The following ALG1 variants were observed in gnomAD, a reference collection of about 807,000 sequenced individuals.
ALG1 encodes the protein ALG1 chitobiosyldiphosphodolichol beta-mannosyltransferase.
In ALG1, 58 loss-of-function variants were observed where a neutral mutation model predicts 55.1. The observed-to-expected ratio is 1.05, with a 90% CI of 0.85 to 1.31. The LOEUF is 1.31. Among genes scored for constraint, ALG1 ranks in the 50% most tolerant of loss-of-function variants. ALG1 has a pLI of 0.00. For missense variants in ALG1, 761 were observed against 598.6 expected (o/e 1.27, Z -2.83); for synonymous variants, 309 against 247.0 (o/e 1.25, Z -2.35).
chr16:5,080,689 A>G (rs879151211), intron 9 of ALG1, among the ~76,000 whole-genome samples: 1 of 151,650 alleles, frequency 6.6e-6, no homozygotes, highest in South Asian at 2.1e-4. Context: ...GCCAGTGCTT[A>G]CCCCGCCATG....
intron 1 of ALG1, chr16:5,072,303 A>T: frequency 7.1e-7 from 1 of 1,417,660 alleles, no homozygotes; most frequent in Non-Finnish European, 9.2e-7. Flanking sequence ...TAATTCTCCT[A>T]GTAAGTGGAA....
chr16:5,078,424 G>A (rs1488698290), intron 6 of ALG1: 2 of 599,114 alleles, frequency 3.3e-6, no homozygotes, highest in Non-Finnish European at 6.2e-6. Flanking sequence ...CTTTGTGCAG[G>A]TCTACGCACC....
intron 3 of ALG1, among the ~76,000 whole-genome samples, chr16:5,073,615 A>G (rs145677173): frequency 1.3e-3 from 203 of 152,378 alleles, no homozygotes; most frequent in African/African-American, 4.8e-3. Flanking sequence ...TAAGTAGCCC[A>G]TCGCCATACA....
At chr16:5,072,184 G>C in intron 1 of ALG1, 127 bp downstream of exon 1, 2 of 1,403,024 alleles carry the variant, frequency 1.4e-6, no homozygotes, top group Non-Finnish European at 1.9e-6. Flanking sequence ...TCCGAGATTA[G>C]ACGAGCGGTT....
rs752922461 is a variant in ALG1, at chr16:5,071,864, C to G, written c.15C>G (p.Cys5Trp). 3 of 1,604,698 alleles carry G rather than the reference C, an allele frequency of 1.9e-6. No individual in the cohort carries two copies. The highest frequency in any genetic ancestry group is 1.7e-5 in the Admixed American group (1 of 59,614). ...GGCCAGCCAAGATGGCGGCCTCATG[C>G]TTGGTCCTGCTGGCGCTGTGTCTGC... Reference protein sequence around the residue: MAASCLVLLALCLLL... With the variant: MAASWLVLLALCLLL... Residue 5 changes from cysteine to tryptophan, a missense_variant, in exon 1 of 13, where the codon TGC (cysteine) becomes TGG (tryptophan). Coordinates refer to ENST00000262374, the MANE Select transcript of ALG1 (RefSeq NM_019109.5).
At chr16:5,078,072 T>A in intron 6 of ALG1, 55 bp downstream of exon 6, 1 of 1,576,964 alleles carries the variant, frequency 6.3e-7, no homozygotes, top group Non-Finnish European at 8.6e-7. Context: ...CCCTGGCCTC[T>A]CCCCTTCTCA....
Position 5,072,019 on chromosome 16 carries a change from C to T in ALG1, c.170C>T (p.Ala57Val). ...ATGCAGTACCACGCGCTGTCGTTGG[C>T]CATGCACGGCTTCTCGGTGACCCTC... ...PRMQYHALSL[A>V]MHGFSVTLLG... The change falls in exon 1 of 13, where the codon GCC becomes GTC. Residue 57 changes from alanine to valine, a missense_variant. Physicochemically the swap from Ala to Val is moderately conservative, Grantham distance 64. Coordinates refer to ENST00000262374, the MANE Select transcript of ALG1 (RefSeq NM_019109.5). 6.3e-7 allele frequency: 1 copy of T among 1,596,590 alleles called. No individual in the cohort carries two copies. Among genetic ancestry groups the T allele is most frequent in the East Asian group, 2.3e-5 (1 of 44,036 alleles).
rs1198017441 is a variant in ALG1, at chr16:5,086,411, C to T, written c.*1530C>T. The T allele has an allele frequency of 6.6e-6, 1 of 151,092 alleles. No homozygotes were observed. The highest frequency in any genetic ancestry group is 1.5e-5 in the Non-Finnish European group (1 of 68,068). The allele number at this position is 151,092 out of a possible 1,614,324, so 9.4% of individuals were successfully genotyped here. A position where few individuals can be genotyped will look rare whatever the true frequency, so the allele number is the denominator to read the frequency against. On this transcript the variant is annotated 3_prime_UTR_variant, in exon 13 of 13. Transcript: ENST00000262374. Reference sequence around the variant, plus strand: ...ACAGCTTAGAAGGGGCTGCTGTTCTCATAAGCACAGATGTCTGAAGAGCCG... The same window carrying T: ...ACAGCTTAGAAGGGGCTGCTGTTCTTATAAGCACAGATGTCTGAAGAGCCG...
At position 5,078,790 on chromosome 16, in the gene ALG1, G is replaced by A. The variant is rs757068692; in HGVS notation, c.774G>A (p.Ser258=). 12 of 1,612,844 alleles carry A rather than the reference G, an allele frequency of 7.4e-6. No homozygotes were observed. The highest frequency in any genetic ancestry group is 3.8e-4 in the Middle Eastern group (2 of 5,236). The stretch of plus-strand genomic sequence containing the variant: ...CTGAGGACCCAGTCACGGAGCGGTC[G>A]GCCTTCACGGAGCGGGATGCTGGGA... ...SEPEDPVTER[S]AFTERDAGSG... Residue 258 remains serine, a synonymous_variant, in exon 7 of 13, where the codon TCG becomes TCA. Coordinates refer to ENST00000262374, the MANE Select transcript of ALG1 (RefSeq NM_019109.5).
chr16:5,083,371 T>A (rs1369857100), intron 11 of ALG1, among the ~76,000 whole-genome samples: 1 of 152,196 alleles, frequency 6.6e-6, no homozygotes, highest in African/African-American at 2.4e-5. Context: ...CCTTTACTTG[T>A]TCCATGGCCA....
chr16:5,077,945 A>G lies in ALG1; in HGVS notation c.668A>G (p.Lys223Arg), dbSNP rs777923300. 1.2e-6 allele frequency: 2 copies of G among 1,606,932 alleles called. No homozygotes were observed. Among genetic ancestry groups the G allele is most frequent in the Non-Finnish European group, 1.7e-6 (2 of 1,179,802 alleles). The change falls in exon 6 of 13, where the codon AAA becomes AGA. Residue 223 changes from lysine (K) to arginine (R), a missense_variant. Physicochemically the swap from Lys to Arg is conservative, Grantham distance 26. Transcript: ENST00000262374. ...TVYDKPASFF[K>R]ETPLDLQHRL... ...TACGACAAGCCCGCATCTTTCTTTA[A>G]AGAGACACCTCTGGACCTGCAGCAC...
At chr16:5,078,344 TC>T (rs1340826242) in intron 6 of ALG1, 4 of 599,520 alleles carry the variant, frequency 6.7e-6, no homozygotes, top group Non-Finnish European at 1.2e-5. Context: ...GCCAGTGGCT[TC>T]CCAGGCCTGT....
chr16:5,075,587 T>C, intron 4 of ALG1, 51 bp downstream of exon 4: 2 of 1,609,342 alleles, frequency 1.2e-6, no homozygotes, highest in Non-Finnish European at 1.7e-6. Flanking sequence ...CACTCAAGGA[T>C]GAGTGAGAAG....
chr16:5,078,046 C>T (rs553099825), intron 6 of ALG1, 29 bp downstream of exon 6: 4 of 1,594,782 alleles, frequency 2.5e-6, no homozygotes, highest in Admixed American at 3.3e-5. Context: ...GCTGCCTTCT[C>T]TCCTGCTCGC....
At chr16:5,082,255 G>A (rs1478745073) in intron 10 of ALG1, among the ~76,000 whole-genome samples, 1 of 152,220 alleles carries the variant, frequency 6.6e-6, no homozygotes, top group Non-Finnish European at 1.5e-5. Flanking sequence ...GGAGGTTGCA[G>A]TGAGCTGAGA....
Position 5,085,559 on chromosome 16 carries a change from G to A in ALG1, c.*678G>A, listed in dbSNP as rs1485463643. 18 of 1,126,262 alleles carry A rather than the reference G, an allele frequency of 1.6e-5. No homozygotes were observed. The East Asian group carries it at 2.1e-4, about 13-fold the overall frequency. 69.8% of individuals were successfully genotyped at this position (1,126,262 alleles called of 1,614,324 possible). ...TTCCAGTCCAATGAAAGTTTTATCCGCTTTCCCATATAAAAATTCTTCCCA... is the reference window on the plus strand; with the variant it reads ...TTCCAGTCCAATGAAAGTTTTATCCACTTTCCCATATAAAAATTCTTCCCA... On this transcript the variant is annotated 3_prime_UTR_variant, in exon 13 of 13. Transcript: ENST00000262374.
rs1353988508 is a variant in ALG1 at position 5,071,932 on chromosome 16, G to T, written c.83G>T (p.Arg28Leu). 6 of 1,589,068 alleles carry T rather than the reference G, an allele frequency of 3.8e-6. No individual in the cohort carries two copies. Among genetic ancestry groups the T allele is most frequent in the Admixed American group, 1.8e-5 (1 of 56,412 alleles). ...CTGGGAGGATGGAAGCGCTGGCGCC[G>T]GGGGCGGGCGGCCCGGCATGTAGTA... is the stretch of plus-strand genomic sequence containing the variant. ...LLLGGWKRWR[R>L]GRAARHVVAV... The change falls in exon 1 of 13, where the codon CGG becomes CTG. Residue 28 changes from arginine (R) to leucine (L), a missense_variant. Coordinates refer to ENST00000262374, the MANE Select transcript of ALG1 (RefSeq NM_019109.5).
In ALG1 at chr16:5,085,164, T is replaced by C; in HGVS notation, c.*283T>C. 1.7e-6 allele frequency: 1 copy of C among 599,460 alleles called. No individual in the cohort carries two copies. The highest frequency in any genetic ancestry group is 2.9e-6 in the Non-Finnish European group (1 of 343,104). 37.1% of individuals were successfully genotyped at this position (599,460 alleles called of 1,614,324 possible). A position where few individuals can be genotyped will look rare whatever the true frequency, so the allele number is the denominator to read the frequency against. On this transcript the variant is annotated 3_prime_UTR_variant, in exon 13 of 13. Coordinates refer to ENST00000262374, the MANE Select transcript of ALG1 (RefSeq NM_019109.5). ...TGTTCTGTGACTTCCCTGTGACCTC[T>C]GCAGAACTCCTCATCCTGCGTTTGG... is the stretch of plus-strand genomic sequence containing the variant.
chr16:5,072,156 G>A (rs891145701), intron 1 of ALG1, 99 bp downstream of exon 1: 2 of 1,542,374 alleles, frequency 1.3e-6, no homozygotes, highest in Non-Finnish European at 8.7e-7. Flanking sequence ...TCCTTTAGTC[G>A]CCGCCTTTGG....
Sources: allele counts gnomAD v4.1 joint callset (sites outside exome capture counted in the v4.1 genomes callset), GRCh38; gene constraint gnomAD v4.1.1; transcripts MANE v1.5; gene names NCBI Gene and HGNC (gene_info 2026-07-23, HGNC 2026-07-21).